Variants in ZNF516 observed in about 807,000 individuals in gnomAD.
ZNF516 encodes zinc finger protein 516.
ZNF516 carries 19 observed loss-of-function variants against 79.7 expected under a neutral mutation model. The observed-to-expected ratio is 0.24, with a 90% CI of 0.17 to 0.35. ZNF516 has a LOEUF of 0.35. Ranked by LOEUF, ZNF516 falls within the 10% of genes least tolerant of loss-of-function variation. ZNF516 has a pLI of 1.00. For missense variants in ZNF516, 1,678 were observed against 1,679.5 expected, an observed-to-expected ratio of 1.00 and a Z score of 0.02; for synonymous variants, 877 against 739.5, an observed-to-expected ratio of 1.19 and a Z score of -3.02.
intron 2 of ZNF516, among the ~76,000 whole-genome samples, chr18:76,458,753 G>A (rs575205134): frequency 1.3e-3 from 196 of 147,664 alleles, no homozygotes; most frequent in Non-Finnish European, 5.9e-4. Context: ...AGGCCTCACC[G>A]TCGTGCGTGT....
intron 6 of ZNF516, among the ~76,000 whole-genome samples, chr18:76,368,535 G>T (rs1040309460): frequency 6.6e-6 from 1 of 151,948 alleles, no homozygotes; most frequent in Admixed American, 6.5e-5. Context: ...CACCCACCGA[G>T]ATCTTCACAC....
At chr18:76,475,064 G>T (rs1398253506) in intron 1 of ZNF516, among the ~76,000 whole-genome samples, 2 of 152,090 alleles carry the variant, frequency 1.3e-5, no homozygotes, top group Non-Finnish European at 2.9e-5. Context: ...TCATATATAG[G>T]CTACCTGAAT....
chr18:76,469,822 T>TA (rs774371558), intron 1 of ZNF516, among the ~76,000 whole-genome samples: 1 of 152,096 alleles, frequency 6.6e-6, no homozygotes, highest in African/African-American at 2.4e-5. Flanking sequence ...ACTGTACACT[T>TA]AAAAAATAGC....
At chr18:76,388,515 G>A (rs1239188955) in intron 3 of ZNF516, 1 of 152,174 alleles carries the variant, frequency 6.6e-6, no homozygotes, top group African/African-American at 2.4e-5. Flanking sequence ...CAAGGAGGAA[G>A]GTCTCAGAGG....
intron 1 of ZNF516, among the ~76,000 whole-genome samples, chr18:76,465,224 G>C (rs1688059430): frequency 6.6e-6 from 1 of 152,204 alleles, no homozygotes; most frequent in African/African-American, 2.4e-5. Context: ...AGGCCACAGG[G>C]GTTGAGACCA....
At position 76,465,891 on chromosome 18, in the gene ZNF516, G is replaced by A. The variant is rs547549986; in HGVS notation, c.-271-2750C>T. Among the ~76,000 whole-genome samples the A allele has an allele frequency of 1.2e-4, 18 of 152,240 alleles. No homozygotes were observed. The South Asian group carries it at 2.1e-3, about 18-fold the overall frequency. On this transcript the variant is annotated intron_variant, in intron 1 of 6. Coordinates refer to ENST00000443185, the MANE Select transcript of ZNF516 (RefSeq NM_014643.4). ...CAGCAGGGACTTGGGAGAAGGACCC[G>A]AGCGCAGCACAGGCTCCCAGATGGG...
chr18:76,447,777 A>G (rs919795690), intron 2 of ZNF516, among the ~76,000 whole-genome samples: 2 of 152,200 alleles, frequency 1.3e-5, no homozygotes, highest in Admixed American at 6.5e-5. Flanking sequence ...CCAAGGCTGG[A>G]ACTGGGAACA....
At chr18:76,366,403 A>G (rs1368862034) in intron 6 of ZNF516, among the ~76,000 whole-genome samples, 1 of 152,246 alleles carries the variant, frequency 6.6e-6, no homozygotes, top group Non-Finnish European at 1.5e-5. Flanking sequence ...AAATGAGGTA[A>G]CTATGCCTAT....
rs1291106503 is a variant in ZNF516, at chr18:76,441,951, C to T, written c.1104G>A (p.Pro368=). 6.2e-7 allele frequency: 1 copy of T among 1,611,218 alleles called. No homozygotes were observed. The highest frequency in any genetic ancestry group is 8.5e-7 in the Non-Finnish European group (1 of 1,179,348). Residue 368 remains proline, a synonymous_variant, in exon 3 of 7, where the codon CCG becomes CCA. Coordinates refer to ENST00000443185, the MANE Select transcript of ZNF516 (RefSeq NM_014643.4). ...RRVEASRTRA[P]AEEGAEGPSD... ...AGGGCCCCTCCGCCCCCTCCTCGGC[C>T]GGGGCGCGCGTGCGGCTGGCCTCGA...
At position 76,443,113 on chromosome 18, in the gene ZNF516, G is replaced by T; in HGVS notation, c.-59C>A. On this transcript the variant is annotated 5_prime_UTR_variant, in exon 3 of 7. Transcript: ENST00000443185. ...AGCTTTCTGTCGCGCGGGCTGCAGG[G>T]ACCGTCCTATCTCTCCATGGTCAGA... 7.2e-6 allele frequency: 11 copies of T among 1,517,502 alleles called. No homozygotes were observed. The highest frequency in any genetic ancestry group is 1.2e-5 in the South Asian group (1 of 82,182). 94.0% of individuals were successfully genotyped at this position (1,517,502 alleles called of 1,614,324 possible).
Position 76,368,270 on chromosome 18 carries a change from T to A in ZNF516, c.3432+2258A>T, listed in dbSNP as rs987160011. On this transcript the variant is annotated intron_variant, in intron 6 of 6. Transcript: ENST00000443185. ...TTTTGCAATTATCCTACCCAACAAA[T>A]CTCTATAGGAATGCTTATAGTTCCA... 2.0e-5 allele frequency among the ~76,000 whole-genome samples: 3 copies of A among 151,998 alleles called. No individual in the cohort carries two copies. In the East Asian group the frequency reaches 5.8e-4, roughly 29 times the overall value.
At position 76,441,533 on chromosome 18, in the gene ZNF516, T is replaced by C. The variant is rs768327745; in HGVS notation, c.1522A>G (p.Thr508Ala). Residue 508 changes from threonine to alanine, a missense_variant, in exon 3 of 7, where the codon ACC becomes GCC. Physicochemically the swap from Thr to Ala is moderately conservative, Grantham distance 58 (BLOSUM62 0). Around this residue, in one of 5 missense-constraint regions of ZNF516, gnomAD observed 1,294 missense variants for 1,248.3 expected, o/e 1.04. Transcript: ENST00000443185. ...TCGGAGGACTTGCCCTGGCCGGTGGTGGCTGCGGCCCTGCGGTTGGGGCGC... is the reference window on the plus strand; with the variant it reads ...TCGGAGGACTTGCCCTGGCCGGTGGCGGCTGCGGCCCTGCGGTTGGGGCGC... ...AARPNRRAAA[T>A]TGQGKSSECF... The C allele has an allele frequency of 1.9e-6, 3 of 1,572,742 alleles. No homozygotes were observed. Among genetic ancestry groups the C allele is most frequent in the Non-Finnish European group, 2.6e-6 (3 of 1,161,794 alleles).
At chr18:76,474,124 G>A (rs1568322924) in intron 1 of ZNF516, among the ~76,000 whole-genome samples, 1 of 152,090 alleles carries the variant, frequency 6.6e-6, no homozygotes, top group Non-Finnish European at 1.5e-5. Context: ...CAGCTACAGT[G>A]AATACCTGAA....
chr18:76,405,258 T>C (rs1042930796), intron 3 of ZNF516, among the ~76,000 whole-genome samples: 1 of 151,980 alleles, frequency 6.6e-6, no homozygotes, highest in African/African-American at 2.4e-5. Context: ...GAGACAGGGG[T>C]TTGACTCTTG....
At chr18:76,470,489 A>G (rs941243616) in intron 1 of ZNF516, among the ~76,000 whole-genome samples, 3 of 152,208 alleles carry the variant, frequency 2.0e-5, no homozygotes, top group Non-Finnish European at 4.4e-5. Flanking sequence ...GAGCCCTTAT[A>G]TCAATGAGCT....
At chr18:76,390,576 G>A (rs891452928) in intron 3 of ZNF516, among the ~76,000 whole-genome samples, 6 of 152,182 alleles carry the variant, frequency 3.9e-5, no homozygotes, top group East Asian at 1.9e-4. Context: ...GCCTTGGGTC[G>A]ACGGCCAAGC....
At chr18:76,386,674 T>C (rs567484576) in intron 3 of ZNF516, 6 of 152,096 alleles carry the variant, frequency 3.9e-5, no homozygotes, top group African/African-American at 7.2e-5. Flanking sequence ...TAATGAACAA[T>C]TGCATGTACA....
intron 4 of ZNF516, among the ~76,000 whole-genome samples, chr18:76,372,190 T>G (rs529318145): frequency 2.4e-4 from 37 of 152,318 alleles, no homozygotes; most frequent in Middle Eastern, 3.4e-3. Flanking sequence ...AGTCCCCAAG[T>G]CCCACCTTTT....
intron 1 of ZNF516, among the ~76,000 whole-genome samples, chr18:76,468,287 C>T (rs899432231): frequency 6.6e-6 from 1 of 152,320 alleles, no homozygotes; most frequent in Non-Finnish European, 1.5e-5. Context: ...CAATCACACT[C>T]GCTCTCTGGA....
Sources: allele counts gnomAD v4.1 joint callset (sites outside exome capture counted in the v4.1 genomes callset), GRCh38; gene constraint gnomAD v4.1.1; regional missense constraint gnomAD v4.1.1; transcripts MANE v1.5; gene names NCBI Gene and HGNC (gene_info 2026-07-23, HGNC 2026-07-21).